The following DAAM2 variants were observed in gnomAD, a reference collection of about 807,000 sequenced individuals.
The protein encoded by DAAM2 is disheveled-associated activator of morphogenesis 2.
A neutral mutation model predicts 120.7 loss-of-function variants in DAAM2; 39 were observed. That is an observed-to-expected ratio of 0.32 (90% confidence interval 0.25 to 0.42). DAAM2 has a LOEUF of 0.42. Ranked by LOEUF, DAAM2 falls within the 10% of genes least tolerant of loss-of-function variation. The pLI, the probability that DAAM2 is intolerant of heterozygous loss-of-function variation, is 1.00. For missense variants in DAAM2, 1,283 were observed against 1,401.7 expected (o/e 0.92, Z 1.35); for synonymous variants, 488 against 524.9 (o/e 0.93, Z 0.96).
intron 1 of DAAM2, among the ~76,000 whole-genome samples, chr6:39,807,190 A>AG (rs1409457681): frequency 1.0e-5 from 1 of 96,308 alleles, no homozygotes; most frequent in African/African-American, 1.0e-4. Flanking sequence ...GAACACAGCA[A>AG]AAAAAAAAAA....
chr6:39,901,850 A>G lies in DAAM2; in HGVS notation c.3020A>G (p.Gln1007Arg). 6.4e-7 allele frequency: 1 copy of G among 1,568,782 alleles called. No homozygotes were observed. The change falls in exon 25 of 25, where the codon CAG becomes CGG. Residue 1007 changes from glutamine (Q) to arginine (R), a missense_variant. Coordinates refer to ENST00000274867, the MANE Select transcript of DAAM2 (RefSeq NM_001201427.2). This position sits in a 1 kb window ranked among gnomAD's most constrained non-coding sequence, Gnocchi z 4.5. ...AGGGAACGTGAGCGGTGGCAGCGGC[A>G]GCGGAAGGTCCTGGCTGCAGGCAGC... The part of the protein sequence containing the change: ...EQRERERWQR[Q>R]RKVLAAGSSL...
chr6:39,896,703 A>ATT, intron 19 of DAAM2, 109 bp from the exon 20 acceptor site: 1 of 966,838 alleles, frequency 1.0e-6, no homozygotes. Flanking sequence ...AGTTGAAGGC[A>ATT]TTTGACAGCC....
chr6:39,884,213 C>T (rs966680624), intron 15 of DAAM2, 144 bp downstream of exon 15: 3 of 607,846 alleles, frequency 4.9e-6, no homozygotes, highest in Non-Finnish European at 5.9e-6. Flanking sequence ...TCCTTCTTTC[C>T]TTCCTTCCTC....
rs756704081 is a variant in DAAM2, at chr6:39,860,906, T to C, written c.169-22T>C. ...TCAACCATCCCTAGTGTCAGACGTA[T>C]TTTTTCTTATTGTCTTTGCAGGATG... is the stretch of plus-strand genomic sequence containing the variant. On this transcript the variant is annotated intron_variant, in intron 2 of 24. Coordinates refer to ENST00000274867, the MANE Select transcript of DAAM2 (RefSeq NM_001201427.2). 14 of 1,599,348 alleles carry C rather than the reference T, an allele frequency of 8.8e-6. No homozygotes were observed. The South Asian group carries it at 1.6e-4, about 18-fold the overall frequency.
At chr6:39,895,146 G>A (rs1028606120) in intron 19 of DAAM2, among the ~76,000 whole-genome samples, 4 of 151,956 alleles carry the variant, frequency 2.6e-5, no homozygotes, top group African/African-American at 9.7e-5. Context: ...GAATAATGTG[G>A]CTTTTAGGTT....
chr6:39,801,523 C>T (rs779657611), intron 1 of DAAM2, among the ~76,000 whole-genome samples: 1 of 152,148 alleles, frequency 6.6e-6, no homozygotes, highest in Non-Finnish European at 1.5e-5. Flanking sequence ...CCCAAGGGAC[C>T]CTGCTGGCCC....
chr6:39,897,485 G>A (rs192435266), intron 21 of DAAM2: 3 of 488,692 alleles, frequency 6.1e-6, no homozygotes, highest in African/African-American at 3.9e-5. Context: ...GATATCTTGT[G>A]AGTTAGGTGC....
At chr6:39,815,542 A>G (rs2039112) in intron 1 of DAAM2, among the ~76,000 whole-genome samples, 80,934 of 151,686 alleles carry the variant, frequency 0.53, 21,778 homozygotes, top group East Asian at 0.63. Context: ...ACAGTGCCTT[A>G]CACATAGTAA....
rs750528514 is a variant in DAAM2 at position 39,901,840 on chromosome 6, T to C, written c.3010T>C (p.Trp1004Arg). 1 of 1,562,856 alleles carries C rather than the reference T, an allele frequency of 6.4e-7. No individual in the cohort carries two copies. The highest frequency in any genetic ancestry group is 1.8e-5 in the Admixed American group (1 of 55,136). Residue 1004 changes from tryptophan to arginine, a missense_variant, in exon 25 of 25, where the codon TGG becomes CGG. By Grantham distance (101) the Trp-to-Arg change is moderately radical. Coordinates refer to ENST00000274867, the MANE Select transcript of DAAM2 (RefSeq NM_001201427.2). The surrounding 1 kb of genome is among the most constrained non-coding windows in gnomAD (Gnocchi z 4.5). ...MLKEQRERER[W>R]QRQRKVLAAG... Reference sequence around the variant, plus strand: ...GAAGGAGCAGAGGGAACGTGAGCGGTGGCAGCGGCAGCGGAAGGTCCTGGC... The same window carrying C: ...GAAGGAGCAGAGGGAACGTGAGCGGCGGCAGCGGCAGCGGAAGGTCCTGGC...
chr6:39,864,233 G>C (rs1466918449), intron 3 of DAAM2, among the ~76,000 whole-genome samples, 200 bp from the exon 4 acceptor site: 1 of 152,162 alleles, frequency 6.6e-6, no homozygotes. Context: ...TCGTTGTCTG[G>C]CCATGAGAGT....
Position 39,806,639 on chromosome 6 carries a change from C to G in DAAM2, c.-57+14174C>G, listed in dbSNP as rs1762016685. On this transcript the variant is annotated intron_variant, in intron 1 of 24. Coordinates refer to ENST00000274867, the MANE Select transcript of DAAM2 (RefSeq NM_001201427.2). The stretch of plus-strand genomic sequence containing the variant: ...TCTTCCCTCTGCCTCCATCCTCAAC[C>G]CTTCTTTCCTCTGCAAGTTTTCCAG... Among the ~76,000 whole-genome samples the G allele has an allele frequency of 2.0e-5, 3 of 152,204 alleles. No individual in the cohort carries two copies. In the South Asian group the frequency reaches 6.2e-4, roughly 32 times the overall value.
At position 39,904,161 on chromosome 6, in the gene DAAM2, TG is replaced by T; in HGVS notation, c.*2126del. ...TACGCACCTGGAAACAAAAGGACTATGGAAGCTGTTCAAGATACATTTGATC... is the reference window on the plus strand; with the variant it reads ...TACGCACCTGGAAACAAAAGGACTATGAAGCTGTTCAAGATACATTTGATC... On this transcript the variant is annotated 3_prime_UTR_variant, in exon 25 of 25. Coordinates refer to ENST00000274867, the MANE Select transcript of DAAM2 (RefSeq NM_001201427.2). 2.2e-6 allele frequency: 1 copy of T among 456,442 alleles called. No homozygotes were observed. Among genetic ancestry groups the T allele is most frequent in the South Asian group, 1.6e-5 (1 of 64,512 alleles). The allele number at this position is 456,442 out of a possible 1,614,324, so 28.3% of individuals were successfully genotyped here. A position where few individuals can be genotyped will look rare whatever the true frequency, so the allele number is the denominator to read the frequency against.
At chr6:39,872,406 G>A (rs940430179) in intron 9 of DAAM2, among the ~76,000 whole-genome samples, 9 of 152,154 alleles carry the variant, frequency 5.9e-5, no homozygotes, top group Non-Finnish European at 1.2e-4. Context: ...ACCCCCAAAG[G>A]AAAGGGAGCA....
At chr6:39,877,128 G>A (rs1488918396) in intron 11 of DAAM2, among the ~76,000 whole-genome samples, 1 of 152,154 alleles carries the variant, frequency 6.6e-6, no homozygotes, top group Admixed American at 6.5e-5. Context: ...GTAGACTTAT[G>A]GTGTGGATGT....
chr6:39,794,250 G>A (rs912895206), intron 1 of DAAM2, among the ~76,000 whole-genome samples: 1 of 152,104 alleles, frequency 6.6e-6, no homozygotes, highest in Non-Finnish European at 1.5e-5. Flanking sequence ...ATACATGACT[G>A]TGTGGTGATG....
At chr6:39,825,297 G>A (rs1762626674) in intron 1 of DAAM2, among the ~76,000 whole-genome samples, 2 of 152,048 alleles carry the variant, frequency 1.3e-5, no homozygotes, top group African/African-American at 4.8e-5. Flanking sequence ...GGCTGAGGCA[G>A]GATAATGCTT....
In DAAM2 at chr6:39,887,467, C is replaced by A. The variant is rs377730552; in HGVS notation, c.1954-19C>A. 1.9e-6 allele frequency: 3 copies of A among 1,593,788 alleles called. No homozygotes were observed. The highest frequency in any genetic ancestry group is 1.3e-5 in the African/African-American group (1 of 74,344). On this transcript the variant is annotated intron_variant, in intron 15 of 24. Coordinates refer to ENST00000274867, the MANE Select transcript of DAAM2 (RefSeq NM_001201427.2). ...AGGGAACCCACACCTCAACTGTCCA[C>A]TTGACTTGTTGGTTGCAGAAAGAGC...
chr6:39,881,118 T>G (rs1765096413), intron 14 of DAAM2, among the ~76,000 whole-genome samples: 1 of 152,236 alleles, frequency 6.6e-6, no homozygotes, highest in African/African-American at 2.4e-5. Context: ...GCAATATTTG[T>G]GCAACATTTT....
At chr6:39,879,591 G>A (rs1226208453) in intron 14 of DAAM2, 114 bp downstream of exon 14, 3 of 1,409,840 alleles carry the variant, frequency 2.1e-6, no homozygotes, top group South Asian at 2.3e-5. Context: ...TCTTTGGTGG[G>A]GGGTAAGGGC....
Sources: gnomAD v4.1 joint callset for allele counts (sites outside exome capture counted in the v4.1 genomes callset) on GRCh38, gnomAD v4.1.1 for gene constraint, Gnocchi (gnomAD v3.1) non-coding constraint, MANE v1.5 for transcripts, NCBI Gene and HGNC (gene_info 2026-07-23, HGNC 2026-07-21) for gene names.